The following TBC1D4 variants were observed in gnomAD, a reference collection of about 807,000 sequenced individuals.
The protein encoded by TBC1D4 is TBC1 domain family member 4, also known as TBC (Tre-2, BUB2, CDC16) domain-containing protein.
TBC1D4 carries 121 observed loss-of-function variants against 142.5 expected under a neutral mutation model. That is an observed-to-expected ratio of 0.85 (90% confidence interval 0.73 to 0.99). The LOEUF is 0.99. TBC1D4 is among the 50% of genes least tolerant of loss of function. TBC1D4 has a pLI of 0.00. For synonymous variants in TBC1D4, 630 were observed against 628.2 expected (o/e 1.00, Z -0.04); for missense variants, 1,475 against 1,606.6 (o/e 0.92, Z 1.40).
chr13:75,313,593 C>T (rs1449531578), intron 12 of TBC1D4, among the ~76,000 whole-genome samples: 1 of 152,224 alleles, frequency 6.6e-6, no homozygotes, highest in Non-Finnish European at 1.5e-5. Context: ...GCAATCACAG[C>T]TCATTGCAGC....
At chr13:75,406,517 G>C (rs1413012200) in intron 1 of TBC1D4, among the ~76,000 whole-genome samples, 1 of 152,178 alleles carries the variant, frequency 6.6e-6, no homozygotes, top group African/African-American at 2.4e-5. Flanking sequence ...TTGCAAAACA[G>C]AGCACCAAGC....
intron 4 of TBC1D4, among the ~76,000 whole-genome samples, chr13:75,351,780 T>C (rs1446410007): frequency 6.6e-6 from 1 of 152,152 alleles, no homozygotes; most frequent in Non-Finnish European, 1.5e-5. Context: ...TTCCATGGTG[T>C]ATATGTGCCA....
At chr13:75,323,291 AAATGT>A (rs963411102) in intron 11 of TBC1D4, among the ~76,000 whole-genome samples, 20 of 152,254 alleles carry the variant, frequency 1.3e-4, no homozygotes, top group African/African-American at 4.8e-4. Context: ...AGAGTGGATA[AAATGT>A]AATGTATGAA....
At chr13:75,305,906 C>T (rs1328871178) in intron 15 of TBC1D4, among the ~76,000 whole-genome samples, 1 of 152,084 alleles carries the variant, frequency 6.6e-6, no homozygotes, top group Non-Finnish European at 1.5e-5. Flanking sequence ...TGATTGATTA[C>T]TTAGCCAGAA....
chr13:75,416,363 T>C (rs930955213), intron 1 of TBC1D4, among the ~76,000 whole-genome samples: 3 of 152,208 alleles, frequency 2.0e-5, no homozygotes, highest in Non-Finnish European at 2.9e-5. Flanking sequence ...CAAAAATTTT[T>C]AATGAAAATT....
At chr13:75,409,777 T>C (rs1196166620) in intron 1 of TBC1D4, among the ~76,000 whole-genome samples, 2 of 152,252 alleles carry the variant, frequency 1.3e-5, no homozygotes, top group African/African-American at 2.4e-5. Flanking sequence ...TTTAGACATG[T>C]ATGTAATTTC....
rs542729931 is a variant in TBC1D4, at chr13:75,396,603, T to C, written c.499-33996A>G. On this transcript the variant is annotated intron_variant, in intron 1 of 20. Transcript: ENST00000377636. ...TTCACAAGTTTGTCATCTAGTATAATTAATTATCAATTTTTAAAACCCAAT... is the reference window on the plus strand; with the variant it reads ...TTCACAAGTTTGTCATCTAGTATAACTAATTATCAATTTTTAAAACCCAAT... Among the ~76,000 whole-genome samples, 44 of 152,248 alleles carry C rather than the reference T, an allele frequency of 2.9e-4. No homozygotes were observed. The South Asian group carries it at 7.5e-3, about 26-fold the overall frequency.
intron 1 of TBC1D4, among the ~76,000 whole-genome samples, chr13:75,469,456 T>C (rs1888305904): frequency 6.6e-6 from 1 of 152,006 alleles, no homozygotes. Flanking sequence ...TCAGTGGTAA[T>C]GGAGAGCTGT....
At chr13:75,296,756 A>C (rs1341458647) in intron 17 of TBC1D4, among the ~76,000 whole-genome samples, 1 of 152,228 alleles carries the variant, frequency 6.6e-6, no homozygotes, top group African/African-American at 2.4e-5. Flanking sequence ...AGGAAAAGAT[A>C]TAATGTCTTT....
At chr13:75,458,039 CTAAG>C (rs1887812321) in intron 1 of TBC1D4, among the ~76,000 whole-genome samples, 1 of 152,134 alleles carries the variant, frequency 6.6e-6, no homozygotes, top group African/African-American at 2.4e-5. Flanking sequence ...TCATGGATGG[CTAAG>C]TGTTAAACCA....
chr13:75,470,481 G>C lies in TBC1D4; in HGVS notation c.498+10789C>G, dbSNP rs1888353874. ...AAAAACTCCGGGGGTCAGGGTTGGG[G>C]TCCAGCAATCATATTGTAACAAAAC... On this transcript the variant is annotated intron_variant, in intron 1 of 20. Transcript: ENST00000377636. Among the ~76,000 whole-genome samples the C allele has an allele frequency of 1.3e-5, 2 of 152,086 alleles. 1 individual carries two copies. Among genetic ancestry groups the C allele is most frequent in the African/African-American group, 4.8e-5 (2 of 41,398 alleles).
intron 12 of TBC1D4, among the ~76,000 whole-genome samples, chr13:75,314,917 T>C (rs902728061): frequency 1.3e-5 from 2 of 151,890 alleles, no homozygotes; most frequent in Non-Finnish European, 2.9e-5. Context: ...GAGGCAGAGG[T>C]TGCAGTGAGC....
chr13:75,389,226 C>T (rs551156342), intron 1 of TBC1D4, among the ~76,000 whole-genome samples: 1 of 152,302 alleles, frequency 6.6e-6, no homozygotes, highest in South Asian at 2.1e-4. Flanking sequence ...ACTCTGCTTA[C>T]TTGATTCCAA....
intron 1 of TBC1D4, among the ~76,000 whole-genome samples, chr13:75,461,423 T>C (rs1294655853): frequency 6.6e-6 from 1 of 152,236 alleles, no homozygotes; most frequent in Non-Finnish European, 1.5e-5. Context: ...CATTTCCATA[T>C]ATAATGGAGC....
chr13:75,415,481 T>C (rs1391529749), intron 1 of TBC1D4, among the ~76,000 whole-genome samples: 1 of 152,224 alleles, frequency 6.6e-6, no homozygotes, highest in Non-Finnish European at 1.5e-5. Context: ...CTCAGCATTG[T>C]TCACTTTAAT....
intron 2 of TBC1D4, among the ~76,000 whole-genome samples, chr13:75,361,760 G>A (rs1408262189): frequency 6.6e-6 from 1 of 152,042 alleles, no homozygotes; most frequent in Non-Finnish European, 1.5e-5. Flanking sequence ...TCTACCAGGT[G>A]TCCAGGACGT....
At chr13:75,428,458 A>G (rs554719925) in intron 1 of TBC1D4, among the ~76,000 whole-genome samples, 12 of 152,346 alleles carry the variant, frequency 7.9e-5, no homozygotes, top group African/African-American at 2.6e-4. Flanking sequence ...GAAAACCAGT[A>G]TAACGTTTGC....
intron 1 of TBC1D4, among the ~76,000 whole-genome samples, chr13:75,384,892 A>T (rs9593069): frequency 0.98 from 150,019 of 152,352 alleles, 73,905 homozygotes; most frequent in East Asian, 1. Context: ...TTTAAATTTT[A>T]TTGCCTTATA....
At chr13:75,404,044 T>G (rs758157412) in intron 1 of TBC1D4, among the ~76,000 whole-genome samples, 2 of 105,586 alleles carry the variant, frequency 1.9e-5, no homozygotes, top group Non-Finnish European at 3.8e-5. Flanking sequence ...TAGGCTTTTG[T>G]AGGGGGGATA....
Sources: allele counts gnomAD v4.1 joint callset (sites outside exome capture counted in the v4.1 genomes callset), GRCh38; gene constraint gnomAD v4.1.1; transcripts MANE v1.5; gene names NCBI Gene and HGNC (gene_info 2026-07-23, HGNC 2026-07-21).